Variants in ADAM2 observed in about 807,000 individuals in gnomAD.
ADAM2 encodes the protein ADAM metallopeptidase domain 2.
A neutral mutation model predicts 99.3 loss-of-function variants in ADAM2; 101 were observed. That is an observed-to-expected ratio of 1.02 (90% CI 0.87 to 1.20). The LOEUF is 1.20. ADAM2 is among the 50% of genes most tolerant of loss of function. The pLI, the probability that ADAM2 is intolerant of heterozygous loss-of-function variation, is 0.00. For synonymous variants in ADAM2, 323 were observed against 287.6 expected, an observed-to-expected ratio of 1.12 and a Z score of -1.25; for missense variants, 948 against 878.7, an observed-to-expected ratio of 1.08 and a Z score of -1.00.
chr8:39,767,896 T>TCACACACACACACACACACA (rs57655234), intron 12 of ADAM2, among the ~76,000 whole-genome samples: 1 of 147,784 alleles, frequency 6.8e-6, no homozygotes, highest in African/African-American at 2.5e-5. Context: ...GACAATGCAT[T>TCACACACACACACACACACA]CACACACACA....
At chr8:39,807,763 A>G (rs780879762) in intron 7 of ADAM2, among the ~76,000 whole-genome samples, 1 of 152,154 alleles carries the variant, frequency 6.6e-6, no homozygotes, top group Non-Finnish European at 1.5e-5. Context: ...AACCTAAGAA[A>G]ACTGTTAGCA....
At chr8:39,745,077 C>A (rs945361858) in intron 19 of ADAM2, among the ~76,000 whole-genome samples, 184 bp from the exon 20 acceptor site, 3 of 152,048 alleles carry the variant, frequency 2.0e-5, no homozygotes, top group Non-Finnish European at 4.4e-5. Flanking sequence ...TAATGAACAT[C>A]TTTGCATCAG....
In ADAM2 at chr8:39,806,419, A is replaced by G. The variant is rs1044334770; in HGVS notation, c.570+2991T>C. 2.3e-4 allele frequency among the ~76,000 whole-genome samples: 34 copies of G among 151,010 alleles called. No individual in the cohort carries two copies. In the East Asian group the frequency reaches 3.3e-3, roughly 15 times the overall value. Reference sequence around the variant, plus strand: ...GGATTCAGAATTGCCCAACTATATTATATTAAAAATGTCCCGTTTTCAACA... The same window carrying G: ...GGATTCAGAATTGCCCAACTATATTGTATTAAAAATGTCCCGTTTTCAACA... On this transcript the variant is annotated intron_variant, in intron 7 of 20. Coordinates refer to ENST00000265708, the MANE Select transcript of ADAM2 (RefSeq NM_001464.5).
At chr8:39,755,668 C>T in intron 16 of ADAM2, 60 bp downstream of exon 16, 1 of 1,344,378 alleles carries the variant, frequency 7.4e-7, no homozygotes, top group Non-Finnish European at 1.0e-6. Flanking sequence ...TGACACTCAT[C>T]TCAAAAAAGG....
intron 11 of ADAM2, among the ~76,000 whole-genome samples, chr8:39,775,280 C>T (rs1041031948): frequency 3.3e-5 from 5 of 152,052 alleles, no homozygotes; most frequent in Admixed American, 6.6e-5. Flanking sequence ...TTGAAGTAAA[C>T]GCTGTTCTGG....
chr8:39,788,875 A>G, intron 7 of ADAM2, 135 bp from the exon 8 acceptor site: 1 of 467,880 alleles, frequency 2.1e-6, no homozygotes, highest in Non-Finnish European at 3.6e-6. Flanking sequence ...TTTAGACATT[A>G]TTTTCTTATA....
intron 7 of ADAM2, among the ~76,000 whole-genome samples, chr8:39,803,849 C>A (rs192065606): frequency 1.3e-5 from 2 of 152,212 alleles, no homozygotes; most frequent in Admixed American, 1.3e-4. Context: ...ATTATCTTTG[C>A]TTATTTGTTT....
chr8:39,773,214 A>C (rs1282478811), intron 11 of ADAM2, among the ~76,000 whole-genome samples: 1 of 151,866 alleles, frequency 6.6e-6, no homozygotes, highest in Non-Finnish European at 1.5e-5. Flanking sequence ...AATCACAAAA[A>C]ATTGAAAATA....
chr8:39,783,874 C>T (rs1444245016), intron 10 of ADAM2, among the ~76,000 whole-genome samples: 1 of 152,004 alleles, frequency 6.6e-6, no homozygotes, highest in Non-Finnish European at 1.5e-5. Flanking sequence ...ATCGCTTGAA[C>T]CTGGGAGGCG....
At chr8:39,807,662 G>T (rs1329143516) in intron 7 of ADAM2, among the ~76,000 whole-genome samples, 1 of 152,106 alleles carries the variant, frequency 6.6e-6, no homozygotes, top group Non-Finnish European at 1.5e-5. Context: ...AGGCTAGGAA[G>T]ACAGCCCTCA....
intron 6 of ADAM2, among the ~76,000 whole-genome samples, chr8:39,815,261 TAAG>T (rs1804892960): frequency 6.6e-6 from 1 of 152,148 alleles, no homozygotes; most frequent in Admixed American, 6.5e-5. Flanking sequence ...TTTTTAGTAT[TAAG>T]GAGATATGAT....
chr8:39,825,727 A>G (rs919388574), intron 3 of ADAM2, among the ~76,000 whole-genome samples: 5 of 152,164 alleles, frequency 3.3e-5, no homozygotes, highest in South Asian at 2.1e-4. Flanking sequence ...TAATAAACCA[A>G]TTAACAAATA....
In ADAM2 at chr8:39,777,077, TG is replaced by T; in HGVS notation, c.975del (p.Asp325GlufsTer14). On this transcript the variant is annotated frameshift_variant, in exon 11 of 21. Transcript: ENST00000265708. LOFTEE classifies it high-confidence loss of function. ...GCTCCTGAGCACTGGCATTTGTTAA[TG>T]TCATCATAAGTGATCCCCATACTAA... ...LSLSMGITYDDINKCQCSGAV... is the reference protein window; with the variant it reads ...LSLSMGITYDXINKCQCSGAV... The T allele has an allele frequency of 6.2e-7, 1 of 1,600,884 alleles. No homozygotes were observed. The highest frequency in any genetic ancestry group is 1.1e-5 in the South Asian group (1 of 90,692).
Position 39,755,845 on chromosome 8 carries a change from G to A in ADAM2, c.1680C>T (p.Ala560=), listed in dbSNP as rs369557236. 1.2e-6 allele frequency: 2 copies of A among 1,602,302 alleles called. No individual in the cohort carries two copies. The highest frequency in any genetic ancestry group is 1.3e-5 in the African/African-American group (1 of 74,616). Residue 560 remains alanine (A), a synonymous_variant, in exon 16 of 21, where the codon GCC becomes GCT. Coordinates refer to ENST00000265708, the MANE Select transcript of ADAM2 (RefSeq NM_001464.5). ...CACTTATGTTGGCATAAATAATAGT[G>A]GCTCTTGGAATTTGTAATAAAAATT... The part of the protein sequence containing the change: ...VGKFLLQIPR[A]TIIYANISGH...
At chr8:39,772,555 TG>T (rs1802825284) in intron 11 of ADAM2, among the ~76,000 whole-genome samples, 1 of 152,058 alleles carries the variant, frequency 6.6e-6, no homozygotes, top group Admixed American at 6.6e-5. Context: ...ATTAAAAGAA[TG>T]GTAATTTCTC....
Position 39,788,728 on chromosome 8 carries a change from C to T in ADAM2, c.583G>A (p.Gly195Arg), listed in dbSNP as rs774414465. Reference protein sequence around the residue: ...IVEKQLYNHMGSDTTVVAQKV... With the variant: ...IVEKQLYNHMRSDTTVVAQKV... The stretch of plus-strand genomic sequence containing the variant: ...TGAGCGACAACAGTTGTATCAGACC[C>T]CATATGATTATACTGTAAAATATTA... The change falls in exon 8 of 21, where the codon GGG becomes AGG. Residue 195 changes from glycine to arginine, a missense_variant. Transcript: ENST00000265708. The T allele has an allele frequency of 1.3e-6, 2 of 1,550,064 alleles. No homozygotes were observed. The highest frequency in any genetic ancestry group is 1.4e-5 in the African/African-American group (1 of 72,420).
At chr8:39,782,880 C>G (rs969205646) in intron 10 of ADAM2, among the ~76,000 whole-genome samples, 1 of 151,986 alleles carries the variant, frequency 6.6e-6, no homozygotes, top group Non-Finnish European at 1.5e-5. Context: ...CCAATATTAT[C>G]CTTAAAACTT....
intron 1 of ADAM2, 75 bp downstream of exon 1, chr8:39,838,056 T>C: frequency 6.7e-7 from 1 of 1,499,702 alleles, no homozygotes; most frequent in Non-Finnish European, 9.3e-7. Flanking sequence ...CCCAGGGATG[T>C]CAATGTAACT....
chr8:39,796,264 T>C (rs1803939369), intron 7 of ADAM2, among the ~76,000 whole-genome samples: 1 of 152,104 alleles, frequency 6.6e-6, no homozygotes, highest in African/African-American at 2.4e-5. Context: ...AATGTTCAGC[T>C]CCCACTTATG....
Sources: allele counts gnomAD v4.1 joint callset (sites outside exome capture counted in the v4.1 genomes callset), GRCh38; gene constraint gnomAD v4.1.1; transcripts MANE v1.5; gene names NCBI Gene and HGNC (gene_info 2026-07-23, HGNC 2026-07-21).